The following ILKAP variants were observed in gnomAD, a reference collection of about 807,000 sequenced individuals.
The protein encoded by ILKAP is integrin-linked kinase-associated serine/threonine phosphatase 2C.
ILKAP carries 11 observed loss-of-function variants against 49.1 expected under a neutral mutation model. The ratio of observed to expected loss-of-function variants is 0.22; its 90% CI spans 0.14 to 0.37. The LOEUF is 0.37. Among genes scored for constraint, ILKAP ranks in the 10% least tolerant of loss-of-function variants. The pLI is 1.00. For missense variants in ILKAP, 363 were observed against 510.8 expected, an observed-to-expected ratio of 0.71 and a Z score of 2.79; for synonymous variants, 186 against 192.8, an observed-to-expected ratio of 0.96 and a Z score of 0.29.
chr2:238,177,904 C>T (rs1693533552), intron 9 of ILKAP, among the ~76,000 whole-genome samples: 1 of 152,124 alleles, frequency 6.6e-6, no homozygotes, highest in South Asian at 2.1e-4. Flanking sequence ...TACTGTTTTC[C>T]ATAGTGGCTA....
In ILKAP at chr2:238,170,450, G is replaced by C; in HGVS notation, c.*86C>G. On this transcript the variant is annotated 3_prime_UTR_variant, in exon 12 of 12. Transcript: ENST00000254654. ...TATTTACAACCATGGGAGTCCCACA[G>C]GAGTACACAAAACACACAATGTGCA... 2.1e-6 allele frequency: 3 copies of C among 1,397,302 alleles called. No individual in the cohort carries two copies. The highest frequency in any genetic ancestry group is 2.9e-6 in the Non-Finnish European group (3 of 1,029,506). The allele number at this position is 1,397,302 out of a possible 1,614,324, so 86.6% of individuals were successfully genotyped here. A position where few individuals can be genotyped will look rare whatever the true frequency, so the allele number is the denominator to read the frequency against.
chr2:238,183,636 G>A lies in ILKAP; in HGVS notation c.714+17C>T. On this transcript the variant is annotated intron_variant, in intron 8 of 11. Coordinates refer to ENST00000254654, the MANE Select transcript of ILKAP (RefSeq NM_030768.3). ...AAACGTATTGTCATCTAAGTGGGTG[G>A]CTCCAGAGCCACATACCCGACTATC... 6.4e-7 allele frequency: 1 copy of A among 1,574,280 alleles called. No homozygotes were observed. The highest frequency in any genetic ancestry group is 1.1e-5 in the South Asian group (1 of 89,130).
At chr2:238,178,798 T>C (rs1334111605) in intron 9 of ILKAP, among the ~76,000 whole-genome samples, 1 of 137,670 alleles carries the variant, frequency 7.3e-6, no homozygotes, top group Non-Finnish European at 1.7e-5. Flanking sequence ...TCAATTATTA[T>C]TATTTTTTTT....
chr2:238,186,229 G>C (rs1408850845), intron 5 of ILKAP: 7 of 152,202 alleles, frequency 4.6e-5, no homozygotes, highest in African/African-American at 7.2e-5. Context: ...ATTGCTCCTA[G>C]GCTAAACTGC....
intron 3 of ILKAP, 94 bp from the exon 4 acceptor site, chr2:238,190,066 A>T: frequency 7.4e-7 from 1 of 1,353,556 alleles, no homozygotes; most frequent in Non-Finnish European, 1.0e-6. Context: ...CTCAAAGACA[A>T]GGTCATTTGA....
chr2:238,195,377 T>C (rs962006889), intron 1 of ILKAP, among the ~76,000 whole-genome samples: 1 of 152,098 alleles, frequency 6.6e-6, no homozygotes, highest in Non-Finnish European at 1.5e-5. Flanking sequence ...TGGAACCTGG[T>C]GTCCCTAGCC....
chr2:238,178,971 T>G (rs1693581880), intron 9 of ILKAP, among the ~76,000 whole-genome samples: 1 of 152,186 alleles, frequency 6.6e-6, no homozygotes, highest in Non-Finnish European at 1.5e-5. Flanking sequence ...TTTTTTATTT[T>G]TTGGTATTTC....
chr2:238,182,235 T>C (rs1164834783), intron 8 of ILKAP, 49 bp from the exon 9 acceptor site: 2 of 1,605,108 alleles, frequency 1.2e-6, no homozygotes, highest in East Asian at 2.2e-5. Context: ...GGGCGCAGCA[T>C]CTAAAGGTAC....
intron 11 of ILKAP, 126 bp from the exon 12 acceptor site, chr2:238,170,802 T>G (rs976512706): frequency 1.4e-6 from 2 of 1,476,498 alleles, no homozygotes; most frequent in Non-Finnish European, 1.9e-6. Context: ...AACTGACCAG[T>G]GAGTCAGTAG....
intron 10 of ILKAP, among the ~76,000 whole-genome samples, chr2:238,173,308 A>G (rs1693307523): frequency 6.6e-6 from 1 of 152,114 alleles, no homozygotes; most frequent in African/African-American, 2.4e-5. Context: ...CCCAGCACAC[A>G]GCACATGCCT....
At chr2:238,175,435 T>C (rs1323225202) in intron 9 of ILKAP, among the ~76,000 whole-genome samples, 1 of 152,170 alleles carries the variant, frequency 6.6e-6, no homozygotes, top group Admixed American at 6.5e-5. Context: ...TTACATTCAC[T>C]GAACTGCTAG....
At chr2:238,172,889 C>G (rs1559287217) in intron 10 of ILKAP, among the ~76,000 whole-genome samples, 1 of 152,178 alleles carries the variant, frequency 6.6e-6, no homozygotes, top group Non-Finnish European at 1.5e-5. Flanking sequence ...GGCTGCTGCA[C>G]CGCTGCTCAC....
chr2:238,198,364 G>A lies in ILKAP; in HGVS notation c.56-3494C>T, dbSNP rs1003774105. On this transcript the variant is annotated intron_variant, in intron 1 of 11. Transcript: ENST00000254654. ...AGCAATCCTCCCTCGTCAGATTCCC[G>A]AGTAGCTGAAACTACAGGCATACAC... Among the ~76,000 whole-genome samples the A allele has an allele frequency of 4.0e-5, 6 of 151,810 alleles. No homozygotes were observed. The East Asian group carries it at 9.7e-4, about 24-fold the overall frequency.
intron 3 of ILKAP, among the ~76,000 whole-genome samples, chr2:238,193,808 T>C (rs952694457): frequency 5.9e-5 from 9 of 152,208 alleles, no homozygotes; most frequent in Admixed American, 4.6e-4. Flanking sequence ...GAAGTTCTCA[T>C]GAGACAGAAT....
At chr2:238,173,694 A>G in intron 9 of ILKAP, 41 bp from the exon 10 acceptor site, 1 of 1,603,408 alleles carries the variant, frequency 6.2e-7, no homozygotes, top group African/African-American at 1.3e-5. Context: ...TACCTGACAG[A>G]TTATGGGTCC....
chr2:238,196,688 C>A (rs959567980), intron 1 of ILKAP, among the ~76,000 whole-genome samples: 4 of 152,110 alleles, frequency 2.6e-5, no homozygotes, highest in African/African-American at 7.2e-5. Flanking sequence ...AAATTTCTCC[C>A]GGGGTCTTTG....
At chr2:238,171,526 G>A (rs1234374582) in intron 10 of ILKAP, among the ~76,000 whole-genome samples, 1 of 152,330 alleles carries the variant, frequency 6.6e-6, no homozygotes, top group Admixed American at 6.5e-5. Flanking sequence ...ACAAGTATTT[G>A]TGGATAGGAT....
rs773406326 is a variant in ILKAP, at chr2:238,182,070, G to A, written c.831C>T (p.Asn277=). Residue 277 remains asparagine, a synonymous_variant, in exon 9 of 12, where the codon AAC becomes AAT. Coordinates refer to ENST00000254654, the MANE Select transcript of ILKAP (RefSeq NM_030768.3). ...CCTCTCAGTCCCTTGGTTACCTGAC[G>A]TTTCCTCCAGCCTTCTGTATCCTCA... The part of the protein sequence containing the change: ...ERMRIQKAGG[N]VRDGRVLGVL... The A allele has an allele frequency of 1.9e-5, 30 of 1,613,174 alleles. No homozygotes were observed. The highest frequency in any genetic ancestry group is 4.5e-5 in the East Asian group (2 of 44,820).
chr2:238,173,776 A>C, intron 9 of ILKAP, 123 bp from the exon 10 acceptor site: 1 of 1,126,944 alleles, frequency 8.9e-7, no homozygotes, highest in Non-Finnish European at 1.3e-6. Flanking sequence ...AATTCACATT[A>C]TTAACCACTA....
Sources: allele counts gnomAD v4.1 joint callset (sites outside exome capture counted in the v4.1 genomes callset), GRCh38; gene constraint gnomAD v4.1.1; transcripts MANE v1.5; gene names NCBI Gene and HGNC (gene_info 2026-07-23, HGNC 2026-07-21).